GPC6: variants seen among roughly 807,000 people sequenced by gnomAD.
GPC6 encodes glypican 6.
GPC6 carries 14 observed loss-of-function variants against 55.2 expected under a neutral mutation model. That is an observed-to-expected ratio of 0.25 (90% CI 0.17 to 0.40). The LOEUF (loss-of-function observed/expected upper bound fraction) is 0.40. Among genes scored for constraint, GPC6 ranks in the 10% least tolerant of loss-of-function variants. The pLI is 1.00. For missense variants in GPC6, 641 were observed against 708.5 expected (o/e 0.90, Z 1.08); for synonymous variants, 278 against 259.6 (o/e 1.07, Z -0.68).
At chr13:93,818,034 T>C (rs1886922143) in intron 2 of GPC6, among the ~76,000 whole-genome samples, 1 of 147,338 alleles carries the variant, frequency 6.8e-6, no homozygotes, top group Non-Finnish European at 1.5e-5. Flanking sequence ...TAGATGTATT[T>C]AATTATACAG....
chr13:93,277,114 T>G (rs1877782911), intron 1 of GPC6, among the ~76,000 whole-genome samples: 1 of 152,194 alleles, frequency 6.6e-6, no homozygotes, highest in Admixed American at 6.5e-5. Context: ...ATAAGCCCTC[T>G]GCCGATTCCT....
chr13:93,309,944 AC>A (rs1879008844), intron 1 of GPC6, among the ~76,000 whole-genome samples: 1 of 152,198 alleles, frequency 6.6e-6, no homozygotes, highest in Non-Finnish European at 1.5e-5. Context: ...TGGATGATTA[AC>A]TACGTGGTCA....
At chr13:93,361,740 A>T (rs1881048299) in intron 1 of GPC6, among the ~76,000 whole-genome samples, 1 of 152,226 alleles carries the variant, frequency 6.6e-6, no homozygotes, top group Non-Finnish European at 1.5e-5. Flanking sequence ...GCTAACAGAC[A>T]GAGATAAATG....
chr13:94,360,424 A>T (rs1185356357), intron 6 of GPC6, among the ~76,000 whole-genome samples: 34 of 152,210 alleles, frequency 2.2e-4, no homozygotes, highest in Non-Finnish European at 2.9e-5. Flanking sequence ...CATTTGATTC[A>T]TCTGTCTTTG....
intron 1 of GPC6, among the ~76,000 whole-genome samples, chr13:93,298,316 T>A (rs1026786962): frequency 2.6e-5 from 4 of 152,202 alleles, no homozygotes; most frequent in Admixed American, 1.3e-4. Context: ...AGTTTAATAG[T>A]CATAGATTTC....
At chr13:94,075,376 A>AC (rs1216817227) in intron 4 of GPC6, among the ~76,000 whole-genome samples, 4 of 151,588 alleles carry the variant, frequency 2.6e-5, no homozygotes, top group Non-Finnish European at 5.9e-5. Context: ...CATATTTATC[A>AC]CCCCCCAAAA....
chr13:94,001,694 T>C (rs1881809123), intron 3 of GPC6, among the ~76,000 whole-genome samples: 1 of 152,170 alleles, frequency 6.6e-6, no homozygotes, highest in Admixed American at 6.6e-5. Flanking sequence ...ACAAGTAACA[T>C]GTTACATACG....
At chr13:94,111,244 T>A (rs772059734) in intron 4 of GPC6, among the ~76,000 whole-genome samples, 14 of 152,084 alleles carry the variant, frequency 9.2e-5, no homozygotes, top group South Asian at 8.3e-4. Flanking sequence ...TGCAAGTATG[T>A]TTTTCCCATC....
chr13:94,042,395 T>C (rs1410793750), intron 4 of GPC6, among the ~76,000 whole-genome samples: 1 of 151,846 alleles, frequency 6.6e-6, no homozygotes, highest in African/African-American at 2.4e-5. Flanking sequence ...GACCAAGAAA[T>C]TGATATAATA....
At chr13:93,650,649 A>G (rs1880370940) in intron 2 of GPC6, among the ~76,000 whole-genome samples, 1 of 152,184 alleles carries the variant, frequency 6.6e-6, no homozygotes, top group Admixed American at 6.5e-5. Context: ...GATCAAGGCC[A>G]TTTTCCATGA....
chr13:94,211,062 T>A (rs1482781431), intron 4 of GPC6, among the ~76,000 whole-genome samples: 1 of 152,338 alleles, frequency 6.6e-6, no homozygotes. Flanking sequence ...ACATTAAATG[T>A]GGCTGAAAAT....
rs533856225 is a variant in GPC6, at chr13:93,601,332, A to G, written c.319+55911A>G. Among the ~76,000 whole-genome samples, 24 of 152,164 alleles carry G rather than the reference A, an allele frequency of 1.6e-4. No individual in the cohort carries two copies. The East Asian group carries it at 4.5e-3, about 28-fold the overall frequency. ...GAGGAGGTGGAGGTTGCAGTGAGCCAAGATCAAGCCACTACATTCCAGCCT... is the reference window on the plus strand; with the variant it reads ...GAGGAGGTGGAGGTTGCAGTGAGCCGAGATCAAGCCACTACATTCCAGCCT... On this transcript the variant is annotated intron_variant, in intron 2 of 8. Transcript: ENST00000377047.
chr13:94,296,883 G>T (rs1875361495), intron 5 of GPC6, among the ~76,000 whole-genome samples: 1 of 152,022 alleles, frequency 6.6e-6, no homozygotes, highest in Non-Finnish European at 1.5e-5. Flanking sequence ...AAAGTAATGA[G>T]ATTTTAGTAT....
chr13:93,474,894 G>A (rs148351309), intron 1 of GPC6, among the ~76,000 whole-genome samples: 27 of 152,300 alleles, frequency 1.8e-4, no homozygotes, highest in Admixed American at 1.8e-3. Context: ...CAGGGATGGT[G>A]GCTATGCTTA....
At chr13:94,107,654 G>A (rs2138835103) in intron 4 of GPC6, among the ~76,000 whole-genome samples, 1 of 147,530 alleles carries the variant, frequency 6.8e-6, no homozygotes, top group East Asian at 2.0e-4. Context: ...GATAAATCAT[G>A]TACAACTATA....
chr13:93,845,849 G>A lies in GPC6; in HGVS notation c.711+15304G>A, dbSNP rs1217317832. On this transcript the variant is annotated intron_variant, in intron 3 of 8. Transcript: ENST00000377047. ...GGACTGTTGTGGGGTGGGGGGAGGGGGGAGGGATAGCATTGGGAGATATAT... is the reference window on the plus strand; with the variant it reads ...GGACTGTTGTGGGGTGGGGGGAGGGAGGAGGGATAGCATTGGGAGATATAT... Among the ~76,000 whole-genome samples the A allele has an allele frequency of 3.5e-5, 4 of 114,298 alleles. No homozygotes were observed. The East Asian group carries it at 1.3e-3, about 38-fold the overall frequency. 75.0% of individuals were successfully genotyped at this position (114,298 alleles called of 152,430 possible). A position where few individuals can be genotyped will look rare whatever the true frequency, so the allele number is the denominator to read the frequency against.
chr13:94,019,806 A>T (rs1003842123), intron 3 of GPC6, among the ~76,000 whole-genome samples: 1 of 152,222 alleles, frequency 6.6e-6, no homozygotes, highest in Admixed American at 6.5e-5. Flanking sequence ...ACCACAGCGT[A>T]CAACTGTTCA....
At chr13:93,219,140 C>A in the GPC6 span, among the ~76,000 whole-genome samples, 1 of 149,984 alleles carries the variant, frequency 6.7e-6, no homozygotes, top group Non-Finnish European at 1.5e-5. Context: ...GTCACCCAGG[C>A]TGGAGTGCAG....
chr13:93,739,705 A>G (rs1383129474), intron 2 of GPC6, among the ~76,000 whole-genome samples: 1 of 152,182 alleles, frequency 6.6e-6, no homozygotes, highest in Non-Finnish European at 1.5e-5. Flanking sequence ...CTGGGATTAC[A>G]GGTGTGAACC....
Sources: gnomAD v4.1 joint callset for allele counts (sites outside exome capture counted in the v4.1 genomes callset) on GRCh38, gnomAD v4.1.1 for gene constraint, MANE v1.5 for transcripts, NCBI Gene and HGNC (gene_info 2026-07-23, HGNC 2026-07-21) for gene names.